Variants in PI4KA observed in about 807,000 individuals in gnomAD.
PI4KA encodes the protein PI4-kinase alpha.
Under a neutral mutation model 271.4 loss-of-function variants are expected in PI4KA, and 122 were observed. That is an observed-to-expected ratio of 0.45 (90% CI 0.39 to 0.52). The LOEUF (loss-of-function observed/expected upper bound fraction) is 0.52, where lower values mean the gene tolerates loss of function less well. Ranked by LOEUF, PI4KA falls within the 20% of genes least tolerant of loss-of-function variation. The pLI is 0.00. For missense variants in PI4KA, 1,969 were observed against 2,769.1 expected (o/e 0.71, Z 6.48); for synonymous variants, 1,041 against 1,078.8 (o/e 0.96, Z 0.69).
intron 3 of PI4KA, among the ~76,000 whole-genome samples, chr22:20,829,268 G>C (rs1923844474): frequency 6.6e-6 from 1 of 152,136 alleles, no homozygotes; most frequent in African/African-American, 2.4e-5. Context: ...GAATTCAGCT[G>C]TGAATCCATC....
At chr22:20,799,531 C>CT (rs1935174256) in intron 15 of PI4KA, 140 bp downstream of exon 15, 1 of 741,868 alleles carries the variant, frequency 1.3e-6, no homozygotes, top group East Asian at 2.8e-5. Flanking sequence ...CACCTTAAAT[C>CT]TTGTGACAAC....
At chr22:20,834,201 C>A (rs992980037) in intron 3 of PI4KA, among the ~76,000 whole-genome samples, 2 of 152,156 alleles carry the variant, frequency 1.3e-5, no homozygotes, top group African/African-American at 2.4e-5. Flanking sequence ...ACTGACCTCA[C>A]TCCAGGAGTG....
rs1929599689 is a variant in PI4KA, at chr22:20,742,618, A to T, written c.3603T>A (p.Ile1201=). The change falls in exon 31 of 55, where the codon ATT becomes ATA. Residue 1201 remains isoleucine (I), a synonymous_variant. Coordinates refer to ENST00000255882, the MANE Select transcript of PI4KA (RefSeq NM_058004.4). The part of the protein sequence containing the change: ...QAMFKLTAML[I]SSKDCDPQLL... ...GCTTCAGTGAGTTACCTTTACTGCT[A>T]ATGAGCATTGCGGTCAGCTTGAACA... 6.2e-7 allele frequency: 1 copy of T among 1,614,008 alleles called. No homozygotes were observed.
intron 16 of PI4KA, 48 bp from the exon 17 acceptor site, chr22:20,798,735 G>A: frequency 8.3e-7 from 1 of 1,208,304 alleles, no homozygotes; most frequent in African/African-American, 1.5e-5. Context: ...GCCCTCATGA[G>A]GCCCCTCCTG....
rs6004068 is a variant in PI4KA, at chr22:20,729,582, C to T, written c.4488+50G>A. ...ACACACTGCCCCGGCCACCAGGTGT[C>T]GTACAGGCAGGTGGCGGGCAGCAGG... is the stretch of plus-strand genomic sequence containing the variant. On this transcript the variant is annotated intron_variant, in intron 38 of 54. Transcript: ENST00000255882. The T allele has an allele frequency of 5.8e-5, 90 of 1,551,660 alleles. No homozygotes were observed. The African/African-American group carries it at 1.0e-3, about 18-fold the overall frequency.
In PI4KA at chr22:20,813,372, C is replaced by A; in HGVS notation, c.991G>T (p.Glu331Ter). Residue 331 changes from glutamate (E) to a stop codon, truncating the protein, a stop_gained, in exon 8 of 55, where the codon GAA becomes TAA. Transcript: ENST00000255882. LOFTEE classifies it high-confidence loss of function. ...TCTTTGCTTACCAGGTTTAAGAGTT[C>A]CCGAAGCATTTCCAATGGAATGTTA... The part of the protein sequence containing the change: ...EFNIPLEMLR[E>*]LLNLVKKIVE... 1 of 1,613,572 alleles carries A rather than the reference C, an allele frequency of 6.2e-7. No homozygotes were observed. The highest frequency in any genetic ancestry group is 1.3e-5 in the African/African-American group (1 of 74,990).
chr22:20,735,870 T>TG (rs532438636), intron 32 of PI4KA, among the ~76,000 whole-genome samples: 28 of 152,094 alleles, frequency 1.8e-4, no homozygotes, highest in Middle Eastern at 3.4e-3. Flanking sequence ...GAGAAAAAAA[T>TG]GGGGGGGACC....
chr22:20,707,872 T>C lies in PI4KA; in HGVS notation c.*175A>G, dbSNP rs1058557. On this transcript the variant is annotated 3_prime_UTR_variant, in exon 55 of 55. Coordinates refer to ENST00000255882, the MANE Select transcript of PI4KA (RefSeq NM_058004.4). Reference sequence around the variant, plus strand: ...ATCCATTGATTGTCGCTGCAGTCCATGGCGTTACCAAGGCTGCGCCACCCA... The same window carrying C: ...ATCCATTGATTGTCGCTGCAGTCCACGGCGTTACCAAGGCTGCGCCACCCA... 94 of 730,638 alleles carry C rather than the reference T, an allele frequency of 1.3e-4. No individual in the cohort carries two copies. Among genetic ancestry groups the C allele is most frequent in the African/African-American group, 9.7e-4 (56 of 57,938 alleles). 45.3% of individuals were successfully genotyped at this position (730,638 alleles called of 1,614,324 possible).
intron 26 of PI4KA, 34 bp downstream of exon 26, chr22:20,751,640 G>T (rs1930704578): frequency 6.4e-7 from 1 of 1,555,250 alleles, no homozygotes; most frequent in Non-Finnish European, 8.9e-7. Context: ...AGAGCGGGTG[G>T]TGTTTGGGCC....
At chr22:20,775,841 C>T (rs178031) in intron 19 of PI4KA, among the ~76,000 whole-genome samples, 69,441 of 151,850 alleles carry the variant, frequency 0.46, 16,482 homozygotes, top group African/African-American at 0.57. Flanking sequence ...GAGGAGGACA[C>T]TTGAAGTGTA....
chr22:20,837,001 A>T (rs1053943864), intron 2 of PI4KA, among the ~76,000 whole-genome samples: 5 of 152,328 alleles, frequency 3.3e-5, no homozygotes, highest in Admixed American at 6.5e-5. Flanking sequence ...AAATTTTTTT[A>T]AAATTATTTT....
intron 1 of PI4KA, among the ~76,000 whole-genome samples, chr22:20,849,355 G>A (rs954341036): frequency 6.6e-6 from 1 of 152,140 alleles, no homozygotes; most frequent in African/African-American, 2.4e-5. Context: ...AAAGACCCAA[G>A]AGAAATGAAA....
intron 45 of PI4KA, among the ~76,000 whole-genome samples, chr22:20,715,001 G>A (rs1175665499): frequency 6.6e-6 from 1 of 152,088 alleles, no homozygotes; most frequent in East Asian, 1.9e-4. Context: ...TACTGCTTCT[G>A]GGGGTGCGTG....
chr22:20,730,670 A>C (rs1416304189), intron 36 of PI4KA, among the ~76,000 whole-genome samples: 2 of 152,088 alleles, frequency 1.3e-5, no homozygotes, highest in East Asian at 3.9e-4. Context: ...TCCCGGGTTT[A>C]AGCAATTCTC....
intron 19 of PI4KA, among the ~76,000 whole-genome samples, chr22:20,773,131 A>C (rs1932966220): frequency 6.6e-6 from 1 of 152,114 alleles, no homozygotes; most frequent in Non-Finnish European, 1.5e-5. Context: ...CACGCATGTA[A>C]TCCCAGCACT....
Position 20,796,308 on chromosome 22 carries a change from G to A in PI4KA, c.2115C>T (p.Cys705=), listed in dbSNP as rs1396166002. The change falls in exon 18 of 55, where the codon TGC becomes TGT. Residue 705 remains cysteine, a synonymous_variant. Transcript: ENST00000255882. The part of the protein sequence containing the change: ...KDYKDHGYRH[C]SLAVINALAN... ...CCAGGGCATTAATCACTGCCAGGGAGCAATGCCTGAAGAAGAAGGAGTGAA... is the reference window on the plus strand; with the variant it reads ...CCAGGGCATTAATCACTGCCAGGGAACAATGCCTGAAGAAGAAGGAGTGAA... The A allele has an allele frequency of 6.2e-7, 1 of 1,613,174 alleles. No individual in the cohort carries two copies. Among genetic ancestry groups the A allele is most frequent in the East Asian group, 2.2e-5 (1 of 44,852 alleles).
rs922041888 is a variant in PI4KA, at chr22:20,815,746, G to A, written c.857-2240C>T. On this transcript the variant is annotated intron_variant, in intron 7 of 54. Transcript: ENST00000255882. The stretch of plus-strand genomic sequence containing the variant: ...GGAAAGAAGGGAGGGAGAAACAGCC[G>A]GATTAAAAAGGGTAGATGAGGGAGA... Among the ~76,000 whole-genome samples the A allele has an allele frequency of 3.3e-5, 5 of 151,980 alleles. No homozygotes were observed. In the South Asian group the frequency reaches 6.2e-4, roughly 19 times the overall value.
At chr22:20,745,610 A>T (rs1929964064) in intron 29 of PI4KA, among the ~76,000 whole-genome samples, 1 of 152,158 alleles carries the variant, frequency 6.6e-6, no homozygotes, top group African/African-American at 2.4e-5. Context: ...TGGTTTATTT[A>T]AAAAAATAAA....
At chr22:20,708,182 A>G in intron 54 of PI4KA, 84 bp from the exon 55 acceptor site, 1 of 1,052,628 alleles carries the variant, frequency 9.5e-7, no homozygotes, top group Non-Finnish European at 1.5e-6. Flanking sequence ...CTACCTGTCC[A>G]ATCAGCCCCT....
Sources: gnomAD v4.1 joint callset for allele counts (sites outside exome capture counted in the v4.1 genomes callset) on GRCh38, gnomAD v4.1.1 for gene constraint, MANE v1.5 for transcripts, NCBI Gene and HGNC (gene_info 2026-07-23, HGNC 2026-07-21) for gene names.